GGT7: variants seen among roughly 807,000 people sequenced by gnomAD.
GGT7 encodes glutathione hydrolase 7.
GGT7 carries 30 observed loss-of-function variants against 69.2 expected under a neutral mutation model. The ratio of observed to expected loss-of-function variants is 0.43; its 90% CI spans 0.32 to 0.59. GGT7 has a LOEUF of 0.59. Ranked by LOEUF, GGT7 falls within the 20% of genes least tolerant of loss-of-function variation. The probability of loss-of-function intolerance (pLI) is 0.05; values close to 1 mark genes in which losing one functional copy is unlikely to be tolerated. For missense variants in GGT7, 733 were observed against 901.1 expected (o/e 0.81, Z 2.39); for synonymous variants, 388 against 391.8 (o/e 0.99, Z 0.12).
chr20:34,856,012 T>G (rs1442280830), intron 8 of GGT7, among the ~76,000 whole-genome samples: 1 of 152,126 alleles, frequency 6.6e-6, no homozygotes, highest in Non-Finnish European at 1.5e-5. Flanking sequence ...AGGCTGGTCA[T>G]GAACTCCTGG....
Position 34,863,508 on chromosome 20 carries a change from C to T in GGT7, c.210G>A (p.Leu70=). 6.3e-7 allele frequency: 1 copy of T among 1,595,250 alleles called. No homozygotes were observed. Among genetic ancestry groups the T allele is most frequent in the Non-Finnish European group, 8.5e-7 (1 of 1,171,200 alleles). Residue 70 remains leucine (L), a synonymous_variant, in exon 2 of 15, where the codon CTG becomes CTA. Transcript: ENST00000336431. This position sits in a 1 kb window ranked among gnomAD's most constrained non-coding sequence, Gnocchi z 4.4. ...SFLKSARLQR[L]PSSSSEMGSQ... is the part of the protein sequence containing the mutation. ...TGCCCATCTCCGACGACGACGATGG[C>T]AGCCGCTGCAGCCGTGCAGACTTCA... is the stretch of plus-strand genomic sequence containing the variant.
chr20:34,850,766 A>T (rs374491459), intron 13 of GGT7: 1 of 472,370 alleles, frequency 2.1e-6, no homozygotes, highest in African/African-American at 2.0e-5. Flanking sequence ...TCCAGAACTT[A>T]AGATCGTTAA....
At chr20:34,855,506 G>A (rs1470949084) in intron 8 of GGT7, among the ~76,000 whole-genome samples, 3 of 152,188 alleles carry the variant, frequency 2.0e-5, no homozygotes, top group Non-Finnish European at 4.4e-5. Flanking sequence ...GAGAGACAAG[G>A]GGAATCCAGA....
intron 1 of GGT7, among the ~76,000 whole-genome samples, chr20:34,866,979 G>A (rs1453384934): frequency 6.6e-6 from 1 of 152,194 alleles, no homozygotes; most frequent in Non-Finnish European, 1.5e-5. Flanking sequence ...CACAGAGTCT[G>A]TAAATAAAAC....
intron 1 of GGT7, among the ~76,000 whole-genome samples, chr20:34,871,251 A>C (rs1275899525): frequency 2.0e-5 from 3 of 152,236 alleles, no homozygotes; most frequent in Admixed American, 6.5e-5. Flanking sequence ...TCCAATCTCT[A>C]GGTCAAGAGA....
At chr20:34,852,608 T>C in intron 10 of GGT7, 70 bp from the exon 11 acceptor site, 2 of 1,410,738 alleles carry the variant, frequency 1.4e-6, no homozygotes, top group African/African-American at 2.9e-5. Flanking sequence ...CTCACTTTTG[T>C]GGTGTTTGTG....
Position 34,854,639 on chromosome 20 carries a change from A to G in GGT7, c.1231-20T>C, listed in dbSNP as rs1568932930. 2 of 1,594,270 alleles carry G rather than the reference A, an allele frequency of 1.3e-6. No individual in the cohort carries two copies. Among genetic ancestry groups the G allele is most frequent in the South Asian group, 1.1e-5 (1 of 90,474 alleles). ...CAGGGTCTGAAAATACAGCAGGGAT[A>G]TGGAAGAGGCTGCCAGGCCCCTCCC... On this transcript the variant is annotated intron_variant, in intron 9 of 14. Coordinates refer to ENST00000336431, the MANE Select transcript of GGT7 (RefSeq NM_178026.3).
At chr20:34,850,820 CT>C (rs2079377012) in intron 13 of GGT7, 1 of 531,920 alleles carries the variant, frequency 1.9e-6, no homozygotes, top group Non-Finnish European at 3.7e-6. Flanking sequence ...ATATCAGGTT[CT>C]CAAGACATTC....
chr20:34,847,360 C>G (rs1360481481), intron 14 of GGT7, among the ~76,000 whole-genome samples: 2 of 152,168 alleles, frequency 1.3e-5, no homozygotes, highest in African/African-American at 4.8e-5. Context: ...CAAATCAGGT[C>G]ATGTGTCTCC....
chr20:34,853,002 T>G (rs898298316), intron 10 of GGT7, among the ~76,000 whole-genome samples: 1 of 152,032 alleles, frequency 6.6e-6, no homozygotes, highest in Admixed American at 6.6e-5. Flanking sequence ...CAGGCTGGAG[T>G]GCAGTGACGC....
rs926083292 is a variant in GGT7, at chr20:34,872,825, C to G, written c.-10G>C. On this transcript the variant is annotated 5_prime_UTR_variant, in exon 1 of 15. Coordinates refer to ENST00000336431, the MANE Select transcript of GGT7 (RefSeq NM_178026.3). ...CGTTCTCCGCCGCCATCCTCGCCCGCGCCCCCCAGCAGCGCAGCGCCTGCC... is the reference window on the plus strand; with the variant it reads ...CGTTCTCCGCCGCCATCCTCGCCCGGGCCCCCCAGCAGCGCAGCGCCTGCC... 15 of 1,336,640 alleles carry G rather than the reference C, an allele frequency of 1.1e-5. No individual in the cohort carries two copies. The African/African-American group carries it at 2.0e-4, about 18-fold the overall frequency. The allele number at this position is 1,336,640 out of a possible 1,614,324, so 82.8% of individuals were successfully genotyped here. A position where few individuals can be genotyped will look rare whatever the true frequency, so the allele number is the denominator to read the frequency against.
chr20:34,849,941 G>A lies in GGT7; in HGVS notation c.1825+20C>T, dbSNP rs553428261. ...ACCTGTCCCTGTGCCCGCCCCACGAGGTCTCTGCTCTGCACTCACTGTCCA... is the reference window on the plus strand; with the variant it reads ...ACCTGTCCCTGTGCCCGCCCCACGAAGTCTCTGCTCTGCACTCACTGTCCA... On this transcript the variant is annotated intron_variant, in intron 14 of 14. Coordinates refer to ENST00000336431, the MANE Select transcript of GGT7 (RefSeq NM_178026.3). 5 of 1,509,086 alleles carry A rather than the reference G, an allele frequency of 3.3e-6. No individual in the cohort carries two copies. The highest frequency in any genetic ancestry group is 3.7e-4 in the Middle Eastern group (2 of 5,398). 93.5% of individuals were successfully genotyped at this position (1,509,086 alleles called of 1,614,324 possible). A position where few individuals can be genotyped will look rare whatever the true frequency, so the allele number is the denominator to read the frequency against.
At chr20:34,853,917 C>T (rs562072839) in intron 10 of GGT7, among the ~76,000 whole-genome samples, 1 of 152,280 alleles carries the variant, frequency 6.6e-6, no homozygotes, top group South Asian at 2.1e-4. Flanking sequence ...CCACCACCTT[C>T]AGTATTTGCT....
chr20:34,859,646 G>T lies in GGT7; in HGVS notation c.818-7C>A. ...TGTTCAGCCAGGGCACGGGCTAGGG[G>T]CAGGGACGGGAGGCTGGGCAGGGCG... is the stretch of plus-strand genomic sequence containing the variant. On this transcript the variant is annotated splice_region_variant and splice_polypyrimidine_tract_variant and intron_variant, in intron 6 of 14. Transcript: ENST00000336431. 2 of 1,582,016 alleles carry T rather than the reference G, an allele frequency of 1.3e-6. No individual in the cohort carries two copies. The highest frequency in any genetic ancestry group is 8.6e-7 in the Non-Finnish European group (1 of 1,161,560).
At chr20:34,858,104 A>G (rs1323255447) in intron 7 of GGT7, among the ~76,000 whole-genome samples, 1 of 152,144 alleles carries the variant, frequency 6.6e-6, no homozygotes, top group Non-Finnish European at 1.5e-5. Context: ...TTGATTTGGG[A>G]ATAGTCATGA....
chr20:34,849,736 A>G (rs2079358787), intron 14 of GGT7, among the ~76,000 whole-genome samples: 1 of 152,230 alleles, frequency 6.6e-6, no homozygotes, highest in Admixed American at 6.5e-5. Flanking sequence ...ACAAATGAGA[A>G]AACTGAGGCT....
chr20:34,849,089 T>G (rs1182081811), intron 14 of GGT7, among the ~76,000 whole-genome samples: 1 of 152,064 alleles, frequency 6.6e-6, no homozygotes, highest in Non-Finnish European at 1.5e-5. Flanking sequence ...ACTCCTGCCC[T>G]GAGTTCTTTG....
At position 34,854,885 on chromosome 20, in the gene GGT7, G is replaced by A; in HGVS notation, c.1141C>T (p.Pro381Ser). The A allele has an allele frequency of 6.2e-7, 1 of 1,614,036 alleles. No individual in the cohort carries two copies. Among genetic ancestry groups the A allele is most frequent in the South Asian group, 1.1e-5 (1 of 91,074 alleles). The stretch of plus-strand genomic sequence containing the variant: ...ATGTTGAGAGCACTGATGAGGGCAG[G>A]GCCCGTGTGCGGAGGTGGGGGACTA... ...VLSPPPPHTGPALISALNILE... is the reference protein window; with the variant it reads ...VLSPPPPHTGSALISALNILE... The change falls in exon 9 of 15, where the codon CCT (proline) becomes TCT (serine). Residue 381 changes from proline to serine, a missense_variant. Transcript: ENST00000336431.
Position 34,845,153 on chromosome 20 carries a change from A to ACCACCACCC in GGT7, c.*174_*175insGGGTGGTGG. On this transcript the variant is annotated 3_prime_UTR_variant, in exon 15 of 15. Coordinates refer to ENST00000336431, the MANE Select transcript of GGT7 (RefSeq NM_178026.3). ...CACCACCACCACCACCACCACCACCACAGGCCTCCTGATGGAGAATTTTCC... is the reference window on the plus strand; with the variant it reads ...CACCACCACCACCACCACCACCACCACCACCACCCCAGGCCTCCTGATGGAGAATTTTCC... 3 of 283,586 alleles carry ACCACCACCC rather than the reference A, an allele frequency of 1.1e-5. No individual in the cohort carries two copies. Among genetic ancestry groups the ACCACCACCC allele is most frequent in the South Asian group, 2.8e-5 (1 of 36,020 alleles). 17.6% of individuals were successfully genotyped at this position (283,586 alleles called of 1,614,324 possible). A position where few individuals can be genotyped will look rare whatever the true frequency, so the allele number is the denominator to read the frequency against.
Sources: gnomAD v4.1 joint callset for allele counts (sites outside exome capture counted in the v4.1 genomes callset) on GRCh38, gnomAD v4.1.1 for gene constraint, Gnocchi (gnomAD v3.1) non-coding constraint, MANE v1.5 for transcripts, NCBI Gene and HGNC (gene_info 2026-07-23, HGNC 2026-07-21) for gene names.